WDR19: variants seen among roughly 807,000 people sequenced by gnomAD.
WDR19 encodes the protein WD repeat domain 19, also known as WD repeat-containing protein 19.
A neutral mutation model predicts 180.0 loss-of-function variants in WDR19; 121 were observed. That is an observed-to-expected ratio of 0.67 (90% confidence interval 0.58 to 0.78). The LOEUF (loss-of-function observed/expected upper bound fraction) is 0.78. Among genes scored for constraint, WDR19 ranks in the 30% least tolerant of loss-of-function variants. The probability of loss-of-function intolerance (pLI) is 0.00; values close to 1 mark genes in which losing one functional copy is unlikely to be tolerated. For missense variants in WDR19, 1,450 were observed against 1,640.7 expected, an observed-to-expected ratio of 0.88 and a Z score of 2.01; for synonymous variants, 497 against 540.7, an observed-to-expected ratio of 0.92 and a Z score of 1.12.
chr4:39,283,663 TTTTC>T (rs1169426869), intron 36 of WDR19, among the ~76,000 whole-genome samples: 1 of 152,098 alleles, frequency 6.6e-6, no homozygotes, highest in Admixed American at 6.6e-5. Flanking sequence ...ATGATATAAT[TTTTC>T]TTTAGTTGTG....
At chr4:39,268,318 A>G (rs1309775592) in intron 30 of WDR19, among the ~76,000 whole-genome samples, 2 of 152,038 alleles carry the variant, frequency 1.3e-5, no homozygotes, top group African/African-American at 2.4e-5. Flanking sequence ...GTCAAGTGCT[A>G]TTTCCTCTCC....
chr4:39,223,561 C>T (rs1437200472), intron 14 of WDR19, among the ~76,000 whole-genome samples: 1 of 152,200 alleles, frequency 6.6e-6, no homozygotes, highest in Non-Finnish European at 1.5e-5. Flanking sequence ...TCAGGCTGGT[C>T]TGGAACTCCT....
chr4:39,250,140 A>C (rs1341214107), intron 24 of WDR19, among the ~76,000 whole-genome samples: 1 of 151,072 alleles, frequency 6.6e-6, no homozygotes, highest in African/African-American at 2.4e-5. Context: ...CAAAAAGCTT[A>C]TCCCCCATGA....
intron 32 of WDR19, 43 bp from the exon 33 acceptor site, chr4:39,274,765 A>G: frequency 6.3e-7 from 1 of 1,599,334 alleles, no homozygotes; most frequent in South Asian, 1.1e-5. Flanking sequence ...CACTGAGGAC[A>G]GCAGACACTG....
intron 4 of WDR19, among the ~76,000 whole-genome samples, chr4:39,191,461 A>G (rs1309030693): frequency 6.6e-6 from 1 of 152,188 alleles, no homozygotes; most frequent in African/African-American, 2.4e-5. Context: ...ATCCAAATGT[A>G]ATTATCACAA....
intron 32 of WDR19, 101 bp downstream of exon 32, chr4:39,273,162 T>G: frequency 3.5e-6 from 3 of 855,750 alleles, no homozygotes; most frequent in Non-Finnish European, 5.4e-6. Context: ...CTAACTCGTT[T>G]AATTCTCACA....
chr4:39,211,792 T>G (rs564201253), intron 9 of WDR19, among the ~76,000 whole-genome samples: 1 of 152,290 alleles, frequency 6.6e-6, no homozygotes, highest in Non-Finnish European at 1.5e-5. Flanking sequence ...AGAGATATAC[T>G]GTGTTCATAG....
intron 18 of WDR19, 97 bp from the exon 19 acceptor site, chr4:39,232,065 T>C: frequency 3.9e-6 from 6 of 1,519,838 alleles, no homozygotes; most frequent in Non-Finnish European, 3.6e-6. Flanking sequence ...AGTGAATCGA[T>C]AGAACGTTAC....
chr4:39,278,918 C>T (rs1442400745), intron 36 of WDR19, among the ~76,000 whole-genome samples: 1 of 152,064 alleles, frequency 6.6e-6, no homozygotes, highest in Non-Finnish European at 1.5e-5. Flanking sequence ...TCACAGGGGT[C>T]TTTTTAATCA....
intron 1 of WDR19, among the ~76,000 whole-genome samples, chr4:39,183,069 C>T (rs534587748): frequency 6.6e-6 from 1 of 152,180 alleles, no homozygotes; most frequent in South Asian, 2.1e-4. Flanking sequence ...GTGACCAGTC[C>T]AATCACCTGC....
Position 39,231,780 on chromosome 4 carries a change from A to G in WDR19, c.1983-17A>G, listed in dbSNP as rs761289080. The G allele has an allele frequency of 1.9e-6, 3 of 1,567,358 alleles. No individual in the cohort carries two copies. The highest frequency in any genetic ancestry group is 2.4e-5 in the South Asian group (2 of 84,620). On this transcript the variant is annotated splice_polypyrimidine_tract_variant and intron_variant, in intron 17 of 36. Transcript: ENST00000399820. ...CAAGTGGAACATTCTGATTAAGCTT[A>G]TGTTCTTACATCCCAGGTTTTCTGA...
chr4:39,228,384 G>A (rs199872026), intron 16 of WDR19, 27 bp downstream of exon 16: 48 of 1,602,364 alleles, frequency 3.0e-5, no homozygotes, highest in African/African-American at 1.2e-4. Flanking sequence ...GTGTATATTC[G>A]CTGACAGATG....
At chr4:39,238,171 T>A (rs57668805) in intron 20 of WDR19, among the ~76,000 whole-genome samples, 2,237 of 152,262 alleles carry the variant, frequency 0.015, 57 homozygotes, top group African/African-American at 0.051. Flanking sequence ...CTAGGTATAG[T>A]TCATTGTCAT....
chr4:39,234,127 T>A (rs1000946975), intron 19 of WDR19, among the ~76,000 whole-genome samples: 2 of 152,082 alleles, frequency 1.3e-5, no homozygotes, highest in Admixed American at 1.3e-4. Flanking sequence ...AATAAGCTAA[T>A]CCCCTAGAAC....
chr4:39,189,113 G>A (rs1309610327), intron 3 of WDR19, among the ~76,000 whole-genome samples: 3 of 151,872 alleles, frequency 2.0e-5, no homozygotes, highest in Admixed American at 1.3e-4. Flanking sequence ...TAGTAGAGAC[G>A]GGGTTTCTCC....
intron 14 of WDR19, 130 bp downstream of exon 14, chr4:39,218,235 A>T: frequency 8.7e-7 from 1 of 1,148,380 alleles, no homozygotes; most frequent in Non-Finnish European, 1.2e-6. Context: ...GTTATCTGTG[A>T]TTAATTATAT....
At chr4:39,199,635 T>TC in intron 6 of WDR19, 42 bp downstream of exon 6, 2 of 1,480,168 alleles carry the variant, frequency 1.4e-6, no homozygotes, top group Non-Finnish European at 1.9e-6. Context: ...ATTCAAGCTT[T>TC]CCCCCCAAAT....
chr4:39,185,619 C>A, intron 1 of WDR19, 107 bp from the exon 2 acceptor site: 3 of 1,064,838 alleles, frequency 2.8e-6, no homozygotes, highest in Non-Finnish European at 4.2e-6. Context: ...TCCTCACTAT[C>A]CTGAATCCTA....
intron 28 of WDR19, among the ~76,000 whole-genome samples, chr4:39,258,453 G>A (rs1733970323): frequency 6.6e-6 from 1 of 152,024 alleles, no homozygotes; most frequent in South Asian, 2.1e-4. Context: ...ACCCAGCCCA[G>A]CAATAGGTCA....
Sources: gnomAD v4.1 joint callset for allele counts (sites outside exome capture counted in the v4.1 genomes callset) on GRCh38, gnomAD v4.1.1 for gene constraint, MANE v1.5 for transcripts, NCBI Gene and HGNC (gene_info 2026-07-23, HGNC 2026-07-21) for gene names.